Variants in CPPED1 observed in about 807,000 individuals in gnomAD.
CPPED1 encodes serine/threonine-protein phosphatase CPPED1.
CPPED1 carries 28 observed loss-of-function variants against 28.0 expected under a neutral mutation model. That is an observed-to-expected ratio of 1.00 (90% CI 0.74 to 1.37). CPPED1 has a LOEUF of 1.37. Among genes scored for constraint, CPPED1 ranks in the 40% most tolerant of loss-of-function variants. CPPED1 has a pLI of 0.00. For synonymous variants in CPPED1, 198 were observed against 180.2 expected (o/e 1.10, Z -0.79); for missense variants, 504 against 416.5 (o/e 1.21, Z -1.83).
chr16:12,735,452 A>T (rs1406673391), intron 2 of CPPED1, among the ~76,000 whole-genome samples: 1 of 152,162 alleles, frequency 6.6e-6, no homozygotes, highest in African/African-American at 2.4e-5. Flanking sequence ...TTACAGGCGC[A>T]CATTACCGTC....
At chr16:12,668,384 T>C (rs2079836846) in intron 3 of CPPED1, among the ~76,000 whole-genome samples, 1 of 152,206 alleles carries the variant, frequency 6.6e-6, no homozygotes, top group African/African-American at 2.4e-5. Flanking sequence ...ATATAAGTTA[T>C]TGCCATGTTT....
At position 12,751,601 on chromosome 16, in the gene CPPED1, C is replaced by A. The variant is rs147029015; in HGVS notation, c.289+29584G>T. 3.3e-4 allele frequency among the ~76,000 whole-genome samples: 51 copies of A among 152,252 alleles called. No homozygotes were observed. The Middle Eastern group carries it at 0.014, about 41-fold the overall frequency. On this transcript the variant is annotated intron_variant, in intron 2 of 3. Transcript: ENST00000381774. Reference sequence around the variant, plus strand: ...GAAGGAGCAGAAAGCTAGGAAGTCCCGGGTCCCAGGAACCCATGTCTCCAA... The same window carrying A: ...GAAGGAGCAGAAAGCTAGGAAGTCCAGGGTCCCAGGAACCCATGTCTCCAA...
At chr16:12,699,587 T>C (rs1170178241) in intron 3 of CPPED1, among the ~76,000 whole-genome samples, 9 of 152,186 alleles carry the variant, frequency 5.9e-5, no homozygotes, top group Non-Finnish European at 1.2e-4. Flanking sequence ...GAATTATTCA[T>C]CAAGCTTGCT....
intron 3 of CPPED1, among the ~76,000 whole-genome samples, chr16:12,667,759 A>C (rs966639113): frequency 1.3e-5 from 2 of 152,202 alleles, no homozygotes; most frequent in African/African-American, 4.8e-5. Flanking sequence ...AATTCAAAGG[A>C]TAGATTAAGA....
At chr16:12,675,961 G>A (rs1229778788) in intron 3 of CPPED1, among the ~76,000 whole-genome samples, 1 of 152,216 alleles carries the variant, frequency 6.6e-6, no homozygotes, top group East Asian at 1.9e-4. Flanking sequence ...CTGGCCAGGG[G>A]GCAAAGGGGA....
At chr16:12,798,258 C>T (rs1159492770) in intron 1 of CPPED1, among the ~76,000 whole-genome samples, 1 of 152,148 alleles carries the variant, frequency 6.6e-6, no homozygotes, top group African/African-American at 2.4e-5. Flanking sequence ...AGAAAGTAAT[C>T]ATAAGCCCTA....
chr16:12,735,536 C>G (rs1026122326), intron 2 of CPPED1, among the ~76,000 whole-genome samples: 1 of 152,242 alleles, frequency 6.6e-6, no homozygotes, highest in African/African-American at 2.4e-5. Flanking sequence ...AACTCTTGAC[C>G]TCAAGTGATC....
At chr16:12,802,389 G>T (rs57117873) in intron 1 of CPPED1, among the ~76,000 whole-genome samples, 3,429 of 152,226 alleles carry the variant, frequency 0.023, 87 homozygotes, top group African/African-American at 0.064. Flanking sequence ...ATCACCTGAT[G>T]TTGTGAGTTC....
chr16:12,776,386 T>C (rs1022322788), intron 2 of CPPED1, among the ~76,000 whole-genome samples: 1 of 152,182 alleles, frequency 6.6e-6, no homozygotes, highest in Non-Finnish European at 1.5e-5. Context: ...GAAACTAACA[T>C]ACCATCCTTT....
At chr16:12,733,745 G>T (rs1470043366) in intron 2 of CPPED1, among the ~76,000 whole-genome samples, 1 of 152,136 alleles carries the variant, frequency 6.6e-6, no homozygotes, top group African/African-American at 2.4e-5. Context: ...CAATGGAAGT[G>T]AATATCCACA....
chr16:12,803,353 A>C (rs1338371211), intron 1 of CPPED1, among the ~76,000 whole-genome samples: 1 of 152,232 alleles, frequency 6.6e-6, no homozygotes, highest in Non-Finnish European at 1.5e-5. Context: ...CCCGTTTCAC[A>C]GATGTGGAAG....
intron 3 of CPPED1, among the ~76,000 whole-genome samples, chr16:12,688,558 C>T (rs2079945692): frequency 6.6e-6 from 1 of 152,058 alleles, no homozygotes. Flanking sequence ...AGGCTGGTCT[C>T]GAACTCCGAC....
chr16:12,752,633 A>G (rs1030505252), intron 2 of CPPED1, among the ~76,000 whole-genome samples: 3 of 147,376 alleles, frequency 2.0e-5, no homozygotes, highest in Non-Finnish European at 3.0e-5. Flanking sequence ...TATATTATAT[A>G]TTATGTATAT....
chr16:12,729,240 T>C (rs1169859185), intron 2 of CPPED1, among the ~76,000 whole-genome samples: 3 of 152,034 alleles, frequency 2.0e-5, no homozygotes, highest in African/African-American at 2.4e-5. Flanking sequence ...CTAACCAAAA[T>C]AGTGAAGATG....
At chr16:12,758,133 A>G (rs1179697041) in intron 2 of CPPED1, among the ~76,000 whole-genome samples, 1 of 152,044 alleles carries the variant, frequency 6.6e-6, no homozygotes, top group Non-Finnish European at 1.5e-5. Context: ...GTTGAACACC[A>G]TGTCAAGTGA....
At chr16:12,733,209 T>C (rs1181408731) in intron 2 of CPPED1, among the ~76,000 whole-genome samples, 1 of 151,950 alleles carries the variant, frequency 6.6e-6, no homozygotes, top group Non-Finnish European at 1.5e-5. Flanking sequence ...TGAATGATGT[T>C]TAAAATAACA....
At chr16:12,735,930 T>A (rs1267255082) in intron 2 of CPPED1, among the ~76,000 whole-genome samples, 1 of 152,166 alleles carries the variant, frequency 6.6e-6, no homozygotes, top group Non-Finnish European at 1.5e-5. Context: ...AAACTGCCCC[T>A]AATGGTGGAA....
intron 3 of CPPED1, among the ~76,000 whole-genome samples, chr16:12,668,137 C>CA (rs1467772545): frequency 4.6e-5 from 7 of 150,874 alleles, no homozygotes; most frequent in Non-Finnish European, 8.9e-5. Context: ...AGTTTGAGGG[C>CA]AAAAAAAAGA....
chr16:12,743,424 G>C (rs1017697150), intron 2 of CPPED1, among the ~76,000 whole-genome samples: 2 of 152,098 alleles, frequency 1.3e-5, no homozygotes, highest in African/African-American at 4.8e-5. Context: ...GATAAAGAAC[G>C]ATTTCTTAAA....
Sources: allele counts gnomAD v4.1 joint callset (sites outside exome capture counted in the v4.1 genomes callset), GRCh38; gene constraint gnomAD v4.1.1; transcripts MANE v1.5; gene names NCBI Gene and HGNC (gene_info 2026-07-23, HGNC 2026-07-21).